The following PCDH15 variants were observed in gnomAD, a reference collection of about 807,000 sequenced individuals.
The protein encoded by PCDH15 is protocadherin-15.
Under a neutral mutation model 178.5 loss-of-function variants are expected in PCDH15, and 129 were observed. That is an observed-to-expected ratio of 0.72 (90% confidence interval 0.63 to 0.84). PCDH15 has a LOEUF of 0.84. PCDH15 is among the 40% of genes least tolerant of loss of function. The pLI, the probability that PCDH15 is intolerant of heterozygous loss-of-function variation, is 0.00. For synonymous variants in PCDH15, 800 were observed against 732.0 expected, an observed-to-expected ratio of 1.09 and a Z score of -1.50; for missense variants, 2,230 against 2,099.9, an observed-to-expected ratio of 1.06 and a Z score of -1.21.
rs577274920 is a variant in PCDH15, at chr10:54,756,191, A to G, written c.-29+44734T>C. On this transcript the variant is annotated intron_variant, in intron 1 of 37. Coordinates refer to ENST00000644397, the MANE Select transcript of PCDH15 (RefSeq NM_001384140.1). ...TTTGAGCCCGGGAGGCAGAGTTTGCAGTGAGCCGAGATCACGCCATTGCAC... is the reference window on the plus strand; with the variant it reads ...TTTGAGCCCGGGAGGCAGAGTTTGCGGTGAGCCGAGATCACGCCATTGCAC... Among the ~76,000 whole-genome samples, 4 of 152,236 alleles carry G rather than the reference A, an allele frequency of 2.6e-5. No homozygotes were observed. The South Asian group carries it at 8.3e-4, about 32-fold the overall frequency.
chr10:54,398,766 G>C (rs73251620), intron 3 of PCDH15, among the ~76,000 whole-genome samples: 4,005 of 152,036 alleles, frequency 0.026, 169 homozygotes, highest in African/African-American at 0.089. Context: ...AAATATTCTG[G>C]TAGCCTAGAA....
At chr10:53,984,341 G>A (rs118065137) in intron 21 of PCDH15, among the ~76,000 whole-genome samples, 3,053 of 151,666 alleles carry the variant, frequency 0.02, 45 homozygotes, top group Non-Finnish European at 0.034. Context: ...TAGTAGAGAC[G>A]GAGTTTTACC....
intron 1 of PCDH15, among the ~76,000 whole-genome samples, chr10:54,751,287 A>G (rs1287559538): frequency 6.6e-6 from 1 of 152,108 alleles, no homozygotes; most frequent in African/African-American, 2.4e-5. Context: ...ATTTTGACTG[A>G]CGTATTTCAC....
At chr10:55,452,148 A>G (rs1839449594) in intron 2 of PCDH15, among the ~76,000 whole-genome samples, 1 of 152,298 alleles carries the variant, frequency 6.6e-6, no homozygotes, top group Middle Eastern at 3.4e-3. Context: ...ATATTCAAGG[A>G]TATCCTTGAA....
chr10:54,650,287 T>C (rs1405066996), intron 2 of PCDH15, among the ~76,000 whole-genome samples: 1 of 152,148 alleles, frequency 6.6e-6, no homozygotes, highest in East Asian at 1.9e-4. Context: ...GCTCTCAGAT[T>C]TCCCACATAA....
chr10:53,900,295 G>A (rs1452988741), intron 26 of PCDH15, among the ~76,000 whole-genome samples: 1 of 146,094 alleles, frequency 6.8e-6, no homozygotes, highest in East Asian at 2.0e-4. Context: ...AAAGTACCTA[G>A]TATATTATAT....
intron 2 of PCDH15, among the ~76,000 whole-genome samples, chr10:55,101,984 G>T (rs575053986): frequency 6.6e-6 from 1 of 151,580 alleles, no homozygotes; most frequent in South Asian, 2.1e-4. Context: ...AATCCACTGC[G>T]ATGAAAAGTT....
At chr10:54,302,762 T>C (rs537684610) in intron 8 of PCDH15, among the ~76,000 whole-genome samples, 6 of 152,310 alleles carry the variant, frequency 3.9e-5, no homozygotes, top group South Asian at 2.1e-4. Flanking sequence ...ATAGGTACTC[T>C]AGTAGGTCGC....
chr10:55,299,661 A>G (rs978434789), intron 1 of PCDH15, among the ~76,000 whole-genome samples: 10 of 152,166 alleles, frequency 6.6e-5, no homozygotes, highest in African/African-American at 2.4e-4. Flanking sequence ...ACACTTCTCA[A>G]TGAGGGATGT....
At position 54,132,937 on chromosome 10, in the gene PCDH15, G is replaced by C. The variant is rs779781651; in HGVS notation, c.1855C>G (p.Leu619Val). Residue 619 changes from leucine to valine, a missense_variant, in exon 15 of 38, where the codon CTG (leucine) becomes GTG (valine). Physicochemically the swap from Leu to Val is conservative, Grantham distance 32 (BLOSUM62 1). Coordinates refer to ENST00000644397, the MANE Select transcript of PCDH15 (RefSeq NM_001384140.1). ...TCACTAATTTCAAGGCTATACATCA[G>C]CTGTGGGAAGCGAGGAGGGCTTTGA... ...NNQSPPRFPQLMYSLEISEAM... is the reference protein window; with the variant it reads ...NNQSPPRFPQVMYSLEISEAM... 5 of 1,613,894 alleles carry C rather than the reference G, an allele frequency of 3.1e-6. No individual in the cohort carries two copies. Among genetic ancestry groups the C allele is most frequent in the Non-Finnish European group, 4.2e-6 (5 of 1,180,006 alleles).
At chr10:54,035,182 A>G (rs2093387249) in intron 18 of PCDH15, among the ~76,000 whole-genome samples, 1 of 151,900 alleles carries the variant, frequency 6.6e-6, no homozygotes, top group Admixed American at 6.6e-5. Flanking sequence ...ATGATACTGT[A>G]TACTAGAACT....
chr10:53,928,880 T>A (rs1381552852), intron 25 of PCDH15, among the ~76,000 whole-genome samples: 1 of 152,048 alleles, frequency 6.6e-6, no homozygotes, highest in Non-Finnish European at 1.5e-5. Flanking sequence ...CTAAATTATT[T>A]ACTATATTAA....
chr10:55,081,076 C>A (rs1379143689), intron 2 of PCDH15, among the ~76,000 whole-genome samples: 1 of 152,106 alleles, frequency 6.6e-6, no homozygotes, highest in East Asian at 1.9e-4. Flanking sequence ...TATTCATGTG[C>A]ACAGAGGAGG....
In PCDH15 at chr10:53,806,604, AG is replaced by A; in HGVS notation, c.5197del (p.Leu1733SerfsTer5). The A allele has an allele frequency of 6.2e-7, 1 of 1,613,398 alleles. No homozygotes were observed. Among genetic ancestry groups the A allele is most frequent in the Middle Eastern group, 1.6e-4 (1 of 6,062 alleles). On this transcript the variant is annotated frameshift_variant, in exon 38 of 38. Transcript: ENST00000644397. LOFTEE classifies it high-confidence loss of function. ...TCACAGTTTTGTCATTGGTATATGG[AG>A]GTTGTTCCAGGGGCCCATCCAAAGC... The part of the protein sequence containing the change: ...EELWMGPWNN[L>X]HIPMTKL
chr10:55,237,991 C>G (rs558197384), intron 1 of PCDH15, among the ~76,000 whole-genome samples: 5 of 152,026 alleles, frequency 3.3e-5, no homozygotes, highest in Non-Finnish European at 4.4e-5. Flanking sequence ...CGTACAAATT[C>G]AAGTCTTTTT....
intron 2 of PCDH15, among the ~76,000 whole-genome samples, chr10:54,950,067 GC>G (rs2131873290): frequency 6.6e-6 from 1 of 152,042 alleles, no homozygotes; most frequent in South Asian, 2.1e-4. Flanking sequence ...TATCTTTACA[GC>G]AGTGCACTAT....
At chr10:55,442,331 G>A (rs554173461) in intron 2 of PCDH15, among the ~76,000 whole-genome samples, 1 of 149,968 alleles carries the variant, frequency 6.7e-6, no homozygotes, top group African/African-American at 2.4e-5. Context: ...ATTCAGCGAT[G>A]AGAATTAGAA....
At chr10:54,654,659 A>G (rs181174433) in intron 2 of PCDH15, among the ~76,000 whole-genome samples, 110 of 152,340 alleles carry the variant, frequency 7.2e-4, no homozygotes, top group African/African-American at 2.4e-3. Context: ...TATGAATTGT[A>G]TAAGTCATTG....
chr10:54,227,625 A>C (rs1018252277), intron 9 of PCDH15, among the ~76,000 whole-genome samples: 8 of 152,218 alleles, frequency 5.3e-5, no homozygotes, highest in Non-Finnish European at 1.2e-4. Flanking sequence ...TTCTGCAGCC[A>C]GCTTGAATTT....
Sources: gnomAD v4.1 joint callset for allele counts (sites outside exome capture counted in the v4.1 genomes callset) on GRCh38, gnomAD v4.1.1 for gene constraint, MANE v1.5 for transcripts, NCBI Gene and HGNC (gene_info 2026-07-23, HGNC 2026-07-21) for gene names.